The following CCDC178 variants were observed in gnomAD, a reference collection of about 807,000 sequenced individuals.
The protein encoded by CCDC178 is coiled-coil domain containing 178.
Under a neutral mutation model 117.4 loss-of-function variants are expected in CCDC178, and 126 were observed. The observed-to-expected ratio is 1.07, with a 90% CI of 0.93 to 1.24. CCDC178 has a LOEUF of 1.24. CCDC178 is among the 50% of genes most tolerant of loss of function. CCDC178 has a pLI of 0.00. For synonymous variants in CCDC178, 283 were observed against 313.4 expected (o/e 0.90, Z 1.02); for missense variants, 1,030 against 986.9 (o/e 1.04, Z -0.59).
chr18:33,113,088 A>C (rs1215572002), intron 20 of CCDC178, among the ~76,000 whole-genome samples: 1 of 152,010 alleles, frequency 6.6e-6, no homozygotes, highest in South Asian at 2.1e-4. Flanking sequence ...ATTTCTTTTT[A>C]ATTCCCCATG....
chr18:32,962,310 G>T (rs1399155481), intron 22 of CCDC178, among the ~76,000 whole-genome samples: 1 of 151,932 alleles, frequency 6.6e-6, no homozygotes, highest in Non-Finnish European at 1.5e-5. Flanking sequence ...AATAAAAAGA[G>T]AGTCTTTTAC....
At chr18:33,179,657 G>T (rs1286944737) in intron 20 of CCDC178, among the ~76,000 whole-genome samples, 8 of 151,924 alleles carry the variant, frequency 5.3e-5, no homozygotes, top group Non-Finnish European at 8.8e-5. Flanking sequence ...CAACACAGAG[G>T]TATAGAGCAA....
intron 7 of CCDC178, among the ~76,000 whole-genome samples, chr18:33,354,953 A>G (rs1314928991): frequency 6.6e-6 from 1 of 152,000 alleles, no homozygotes; most frequent in African/African-American, 2.4e-5. Context: ...TCTAATTGAG[A>G]TTTTATATTT....
chr18:33,214,832 C>T (rs555303503), intron 19 of CCDC178, among the ~76,000 whole-genome samples: 1 of 151,992 alleles, frequency 6.6e-6, no homozygotes, highest in South Asian at 2.1e-4. Flanking sequence ...CACTTTATCC[C>T]TCAAGCATTA....
intron 6 of CCDC178, among the ~76,000 whole-genome samples, chr18:33,364,164 C>G (rs1401674352): frequency 6.6e-6 from 1 of 152,044 alleles, no homozygotes; most frequent in African/African-American, 2.4e-5. Flanking sequence ...CAAGAACCAG[C>G]AAAACTGCCC....
At position 33,370,089 on chromosome 18, in the gene CCDC178, G is replaced by A; in HGVS notation, c.309C>T (p.Ile103=). 6.2e-7 allele frequency: 1 copy of A among 1,604,726 alleles called. No homozygotes were observed. Among genetic ancestry groups the A allele is most frequent in the Non-Finnish European group, 8.5e-7 (1 of 1,175,872 alleles). ...APCVNKMISH[I]QDVESKIQEH... Reference sequence around the variant, plus strand: ...CCTGTATTTTGGACTCCACATCTTGGATGTGTGAAATCATTTTGTTGACAC... The same window carrying A: ...CCTGTATTTTGGACTCCACATCTTGAATGTGTGAAATCATTTTGTTGACAC... Residue 103 remains isoleucine, a synonymous_variant, in exon 6 of 23, where the codon ATC becomes ATT. Transcript: ENST00000383096.
chr18:33,285,931 T>C (rs1052662972), intron 12 of CCDC178, among the ~76,000 whole-genome samples: 3 of 150,972 alleles, frequency 2.0e-5, no homozygotes, highest in Non-Finnish European at 1.5e-5. Context: ...AATACACACA[T>C]AAAAAGTGTT....
At chr18:33,353,713 A>G (rs1255431702) in intron 7 of CCDC178, among the ~76,000 whole-genome samples, 1 of 152,108 alleles carries the variant, frequency 6.6e-6, no homozygotes, top group Non-Finnish European at 1.5e-5. Context: ...TATGGTGTCA[A>G]TTTCACAAAT....
chr18:33,160,777 A>G (rs946044179), intron 20 of CCDC178, among the ~76,000 whole-genome samples: 1 of 152,162 alleles, frequency 6.6e-6, no homozygotes, highest in Non-Finnish European at 1.5e-5. Context: ...TTCAGCCACT[A>G]TTCATGGTCT....
chr18:33,334,781 C>T (rs1169804603), intron 9 of CCDC178, among the ~76,000 whole-genome samples: 3 of 151,940 alleles, frequency 2.0e-5, no homozygotes, highest in Non-Finnish European at 4.4e-5. Flanking sequence ...TTAAGCCCCA[C>T]GGCCCTATGT....
chr18:33,175,326 G>A (rs1383188455), intron 20 of CCDC178, among the ~76,000 whole-genome samples: 1 of 151,978 alleles, frequency 6.6e-6, no homozygotes, highest in Non-Finnish European at 1.5e-5. Flanking sequence ...TGAGCTTCTA[G>A]TTCTCCTTTT....
At chr18:32,964,392 T>C (rs1314033294) in intron 22 of CCDC178, among the ~76,000 whole-genome samples, 1 of 152,046 alleles carries the variant, frequency 6.6e-6, no homozygotes, top group East Asian at 1.9e-4. Context: ...AGGTGTTGTG[T>C]GCCTATATGT....
intron 20 of CCDC178, among the ~76,000 whole-genome samples, chr18:33,197,190 G>A (rs981416143): frequency 6.6e-5 from 10 of 151,992 alleles, no homozygotes; most frequent in Non-Finnish European, 1.0e-4. Context: ...ACTATTCTTG[G>A]CTAATTTTTA....
intron 3 of CCDC178, among the ~76,000 whole-genome samples, chr18:33,404,016 C>A (rs1440641996): frequency 1.3e-5 from 2 of 152,036 alleles, no homozygotes; most frequent in African/African-American, 4.8e-5. Context: ...TTTACCACTA[C>A]CCCTCAAGGG....
At chr18:33,155,287 G>C (rs1034075065) in intron 20 of CCDC178, among the ~76,000 whole-genome samples, 8 of 151,714 alleles carry the variant, frequency 5.3e-5, no homozygotes, top group Non-Finnish European at 1.2e-4. Flanking sequence ...AAACTGAATG[G>C]GAAATTTGAA....
chr18:33,020,407 A>G (rs2056090537), intron 21 of CCDC178, among the ~76,000 whole-genome samples: 1 of 152,198 alleles, frequency 6.6e-6, no homozygotes, highest in Non-Finnish European at 1.5e-5. Flanking sequence ...TAATATAGCC[A>G]TAGTATAGAA....
At chr18:33,391,241 T>C (rs73423516) in intron 4 of CCDC178, among the ~76,000 whole-genome samples, 18,947 of 151,706 alleles carry the variant, frequency 0.12, 1,274 homozygotes, top group Non-Finnish European at 0.14. Flanking sequence ...CCGAGAGTTA[T>C]TACTTTACAA....
At chr18:33,139,039 T>C (rs752825727) in intron 20 of CCDC178, among the ~76,000 whole-genome samples, 2 of 152,222 alleles carry the variant, frequency 1.3e-5, no homozygotes, top group African/African-American at 4.8e-5. Flanking sequence ...AATTGAATTA[T>C]GGAGACAGGT....
At chr18:33,146,739 T>C (rs1297073963) in intron 20 of CCDC178, among the ~76,000 whole-genome samples, 1 of 152,154 alleles carries the variant, frequency 6.6e-6, no homozygotes, top group East Asian at 1.9e-4. Flanking sequence ...TATGACACTT[T>C]CTGGATAGCT....
Sources: allele counts gnomAD v4.1 joint callset (sites outside exome capture counted in the v4.1 genomes callset), GRCh38; gene constraint gnomAD v4.1.1; transcripts MANE v1.5; gene names NCBI Gene and HGNC (gene_info 2026-07-23, HGNC 2026-07-21).